Variants in PTPRD observed in about 807,000 individuals in gnomAD.
The protein encoded by PTPRD is receptor-type tyrosine-protein phosphatase delta.
PTPRD carries 34 observed loss-of-function variants against 214.5 expected under a neutral mutation model. The ratio of observed to expected loss-of-function variants is 0.16; its 90% confidence interval spans 0.12 to 0.21. PTPRD has a LOEUF of 0.21. PTPRD is among the 10% of genes least tolerant of loss of function. The pLI is 1.00. For synonymous variants in PTPRD, 1,128 were observed against 845.7 expected, an observed-to-expected ratio of 1.33 and a Z score of -5.79; for missense variants, 2,545 against 2,398.7, an observed-to-expected ratio of 1.06 and a Z score of -1.27.
intron 2 of PTPRD, among the ~76,000 whole-genome samples, chr9:10,382,686 T>A (rs572641750): frequency 6.6e-6 from 1 of 152,004 alleles, no homozygotes. Context: ...TTAAACAGAA[T>A]TCATACAAGT....
intron 14 of PTPRD, among the ~76,000 whole-genome samples, chr9:8,550,385 C>A (rs2081669310): frequency 6.6e-6 from 1 of 152,142 alleles, no homozygotes; most frequent in Non-Finnish European, 1.5e-5. Context: ...ACTATTACCA[C>A]TACTGCTGCC....
At chr9:8,789,141 T>G (rs1199254384) in intron 11 of PTPRD, among the ~76,000 whole-genome samples, 1 of 152,142 alleles carries the variant, frequency 6.6e-6, no homozygotes, top group Admixed American at 6.6e-5. Flanking sequence ...AGATGCCATT[T>G]TATGGGCTCA....
At chr9:9,866,789 A>G (rs918894000) in intron 5 of PTPRD, among the ~76,000 whole-genome samples, 2 of 152,108 alleles carry the variant, frequency 1.3e-5, no homozygotes, top group Admixed American at 6.6e-5. Context: ...AAAATATGTT[A>G]AGTCTTTAAG....
Position 9,715,488 on chromosome 9 carries a change from A to G in PTPRD, c.-287+19045T>C, listed in dbSNP as rs747570049. Among the ~76,000 whole-genome samples the G allele has an allele frequency of 4.6e-4, 70 of 152,284 alleles. 1 individual carries two copies. The highest frequency in any genetic ancestry group is 2.5e-4 in the Non-Finnish European group (17 of 68,030). The stretch of plus-strand genomic sequence containing the variant: ...GCCAAGAAATAAAAAAATAAAAAAT[A>G]TATTTTCTACAACAAAAAAAATTAA... On this transcript the variant is annotated intron_variant, in intron 7 of 45. Coordinates refer to ENST00000381196, the MANE Select transcript of PTPRD (RefSeq NM_002839.4).
At chr9:10,183,874 G>A (rs1306504803) in intron 3 of PTPRD, among the ~76,000 whole-genome samples, 2 of 152,176 alleles carry the variant, frequency 1.3e-5, no homozygotes, top group Non-Finnish European at 2.9e-5. Flanking sequence ...CCACAAAGGA[G>A]AGATAACTAT....
chr9:10,472,158 C>T (rs1198270653), intron 2 of PTPRD, among the ~76,000 whole-genome samples: 1 of 151,956 alleles, frequency 6.6e-6, no homozygotes, highest in African/African-American at 2.4e-5. Context: ...AACTATTTGT[C>T]CAAGTCCTTA....
At chr9:8,819,472 G>C (rs1009047018) in intron 11 of PTPRD, among the ~76,000 whole-genome samples, 1 of 152,050 alleles carries the variant, frequency 6.6e-6, no homozygotes, top group African/African-American at 2.4e-5. Flanking sequence ...GATCAGCCTG[G>C]CCAACATGGC....
intron 7 of PTPRD, among the ~76,000 whole-genome samples, chr9:9,690,530 T>C (rs1443724028): frequency 6.6e-6 from 1 of 151,860 alleles, no homozygotes; most frequent in Non-Finnish European, 1.5e-5. Context: ...TGAGGTCTTA[T>C]CCCCTCAAAT....
intron 5 of PTPRD, among the ~76,000 whole-genome samples, chr9:9,866,928 G>T (rs902499806): frequency 1.3e-4 from 20 of 152,166 alleles, no homozygotes; most frequent in African/African-American, 4.8e-4. Flanking sequence ...CTTTTTGGTG[G>T]GGTGTAAGTA....
At chr9:9,312,798 T>G (rs1481541179) in intron 9 of PTPRD, among the ~76,000 whole-genome samples, 3 of 152,134 alleles carry the variant, frequency 2.0e-5, no homozygotes, top group Non-Finnish European at 4.4e-5. Context: ...TATCTGACAA[T>G]CATACAAATG....
intron 10 of PTPRD, among the ~76,000 whole-genome samples, chr9:9,099,612 T>G (rs1030652818): frequency 6.6e-6 from 1 of 152,148 alleles, no homozygotes; most frequent in African/African-American, 2.4e-5. Context: ...GTAGCAGATA[T>G]TTGCTTATAG....
At chr9:9,789,464 A>C (rs2098950697) in intron 5 of PTPRD, among the ~76,000 whole-genome samples, 1 of 152,150 alleles carries the variant, frequency 6.6e-6, no homozygotes, top group Admixed American at 6.5e-5. Flanking sequence ...AAGACACTCT[A>C]CTGAGGGGGA....
rs73641356 is a variant in PTPRD, at chr9:9,803,253, G to C, written c.-367-36402C>G. On this transcript the variant is annotated intron_variant, in intron 5 of 45. Coordinates refer to ENST00000381196, the MANE Select transcript of PTPRD (RefSeq NM_002839.4). ...CTGAACTGGACGTTTTGATAAAAAA[G>C]AAAAAAAAAAAAAGCAAGTCAGTAA... 1.7e-4 allele frequency among the ~76,000 whole-genome samples: 19 copies of C among 114,306 alleles called. 1 individual carries two copies. Among genetic ancestry groups the C allele is most frequent in the African/African-American group, 5.9e-4 (18 of 30,730 alleles). 75.0% of individuals were successfully genotyped at this position (114,306 alleles called of 152,430 possible). A position where few individuals can be genotyped will look rare whatever the true frequency, so the allele number is the denominator to read the frequency against.
rs752478843 is a variant in PTPRD at position 9,743,147 on chromosome 9, TCAGA to T, written c.-325-8580_-325-8577del. Among the ~76,000 whole-genome samples the T allele has an allele frequency of 1.2e-3, 188 of 152,312 alleles. 1 individual carries two copies. The highest frequency in any genetic ancestry group is 4.2e-3 in the African/African-American group (174 of 41,570). On this transcript the variant is annotated intron_variant, in intron 6 of 45. Coordinates refer to ENST00000381196, the MANE Select transcript of PTPRD (RefSeq NM_002839.4). ...GCAATGGCTCATGAGCCATAGGCTC[TCAGA>T]CAGTGTTTATAAAATATGTATGAAT...
intron 2 of PTPRD, among the ~76,000 whole-genome samples, chr9:10,442,508 C>G (rs1335913604): frequency 1.3e-5 from 2 of 151,512 alleles, no homozygotes; most frequent in Non-Finnish European, 3.0e-5. Context: ...AAGAATGACT[C>G]TAAAGCTATA....
chr9:9,796,418 G>C (rs540604772), intron 5 of PTPRD, among the ~76,000 whole-genome samples: 2 of 152,086 alleles, frequency 1.3e-5, no homozygotes, highest in African/African-American at 4.8e-5. Context: ...AGAAATATCC[G>C]GGAGGAGGTT....
intron 2 of PTPRD, among the ~76,000 whole-genome samples, chr9:10,402,761 A>G (rs1251910543): frequency 6.6e-6 from 1 of 151,618 alleles, no homozygotes; most frequent in East Asian, 2.0e-4. Flanking sequence ...AACTCATCTC[A>G]TTTTATTGAA....
chr9:9,571,661 C>G (rs921704687), intron 8 of PTPRD, among the ~76,000 whole-genome samples: 14 of 150,744 alleles, frequency 9.3e-5, no homozygotes, highest in African/African-American at 3.2e-4. Context: ...ATTTTCATTT[C>G]AAAATTGTGG....
At chr9:8,917,121 T>C (rs1276296671) in intron 11 of PTPRD, among the ~76,000 whole-genome samples, 1 of 149,320 alleles carries the variant, frequency 6.7e-6, no homozygotes, top group Non-Finnish European at 1.5e-5. Flanking sequence ...TTATTTCTTC[T>C]TCTTCTTCTT....
Sources: allele counts gnomAD v4.1 joint callset (sites outside exome capture counted in the v4.1 genomes callset), GRCh38; gene constraint gnomAD v4.1.1; transcripts MANE v1.5; gene names NCBI Gene and HGNC (gene_info 2026-07-23, HGNC 2026-07-21).